Variants in EFCAB10 observed in about 807,000 individuals in gnomAD.
EFCAB10 encodes the protein EF-hand calcium-binding domain-containing protein 10.
In EFCAB10, 7 loss-of-function variants were observed where a neutral mutation model predicts 7.7. The observed-to-expected ratio is 0.91, with a 90% CI of 0.52 to 1.72. EFCAB10 has a LOEUF of 1.72. Ranked by LOEUF, EFCAB10 falls within the 40% of genes most tolerant of loss-of-function variation. The pLI, the probability that EFCAB10 is intolerant of heterozygous loss-of-function variation, is 0.00. For missense variants in EFCAB10, 112 were observed against 61.5 expected (o/e 1.82, Z -2.74); for synonymous variants, 52 against 21.0 (o/e 2.47, Z -4.03).
intron 1 of EFCAB10, among the ~76,000 whole-genome samples, chr7:105,580,892 T>G (rs1792214091): frequency 6.6e-6 from 1 of 152,134 alleles, no homozygotes; most frequent in Admixed American, 6.6e-5. Flanking sequence ...CTAGAACATC[T>G]TCTATCCTAC....
At chr7:105,569,621 G>T (rs948350912) in intron 1 of EFCAB10, 50 bp from the exon 2 acceptor site, 1 of 672,918 alleles carries the variant, frequency 1.5e-6, no homozygotes. Flanking sequence ...AAAATATGTC[G>T]CAAATAGAAG....
At chr7:105,579,631 G>A (rs75527567) in intron 1 of EFCAB10, among the ~76,000 whole-genome samples, 8,872 of 152,290 alleles carry the variant, frequency 0.058, 355 homozygotes, top group Non-Finnish European at 0.087. Flanking sequence ...ATGGGTGTGA[G>A]TGGGAACAGG....
rs1792231698 is a variant in EFCAB10 at position 105,581,381 on chromosome 7, CTGG to C, written c.80_82del (p.Thr27del). 2 of 702,990 alleles carry C rather than the reference CTGG, an allele frequency of 2.8e-6. No homozygotes were observed. The highest frequency in any genetic ancestry group is 5.2e-6 in the Non-Finnish European group (2 of 384,992). 43.5% of individuals were successfully genotyped at this position (702,990 alleles called of 1,614,324 possible). A position where few individuals can be genotyped will look rare whatever the true frequency, so the allele number is the denominator to read the frequency against. On this transcript the variant is annotated inframe_deletion, in exon 1 of 5. Coordinates refer to ENST00000480514, the MANE Select transcript of EFCAB10 (RefSeq NM_001355526.2). Reference sequence around the variant, plus strand: ...ACCCGGCCGAAAGAAAAGGAGGGCGCTGGTGAGGTAGCTAACCACCTCCTTGAT... The same window carrying C: ...ACCCGGCCGAAAGAAAAGGAGGGCGCTGAGGTAGCTAACCACCTCCTTGAT...
rs1791884448 is a variant in EFCAB10 at position 105,569,589 on chromosome 7, C to T, written c.107-18G>A. ...TGGTTTTTCTGCAAAAGAATAGTTC[C>T]AGCTCTTTCTGATACGAAATTAAAA... On this transcript the variant is annotated intron_variant, in intron 1 of 4. Transcript: ENST00000480514. 1 of 683,046 alleles carries T rather than the reference C, an allele frequency of 1.5e-6. No homozygotes were observed. The highest frequency in any genetic ancestry group is 2.6e-6 in the Non-Finnish European group (1 of 379,284). 42.3% of individuals were successfully genotyped at this position (683,046 alleles called of 1,614,324 possible). A position where few individuals can be genotyped will look rare whatever the true frequency, so the allele number is the denominator to read the frequency against.
rs997658204 is a variant in EFCAB10, at chr7:105,565,547, C to A, written c.*-100G>T. The A allele has an allele frequency of 2.9e-5, 46 of 1,613,478 alleles. No individual in the cohort carries two copies. The highest frequency in any genetic ancestry group is 3.7e-5 in the Non-Finnish European group (44 of 1,179,678). ...TGTTTCAGATAATTCTTGCTAATCACTTCAATGAAGGAGGAGCAGCCCAGC... is the reference window on the plus strand; with the variant it reads ...TGTTTCAGATAATTCTTGCTAATCAATTCAATGAAGGAGGAGCAGCCCAGC... On this transcript the variant is annotated intron_variant, in intron 4 of 4. Coordinates refer to ENST00000480514, the MANE Select transcript of EFCAB10 (RefSeq NM_001355526.2).
At chr7:105,578,114 G>T (rs185301915) in intron 1 of EFCAB10, among the ~76,000 whole-genome samples, 1 of 152,136 alleles carries the variant, frequency 6.6e-6, no homozygotes, top group Non-Finnish European at 1.5e-5. Flanking sequence ...CCCGTATTCA[G>T]GATAATCAAA....
At chr7:105,570,240 A>AAATATATATAT (rs35907051) in intron 1 of EFCAB10, among the ~76,000 whole-genome samples, 2 of 24,910 alleles carry the variant, frequency 8.0e-5, no homozygotes, top group Non-Finnish European at 1.6e-4. Flanking sequence ...AAAAAAAAAA[A>AAATATATATAT]ATATATATAT....
At chr7:105,569,153 C>CA (rs1391464080) in intron 3 of EFCAB10, 50 bp downstream of exon 3, 1 of 696,738 alleles carries the variant, frequency 1.4e-6, no homozygotes, top group Admixed American at 2.0e-5. Flanking sequence ...AATTGTGCTT[C>CA]AAAATCATGC....
At chr7:105,578,170 G>A (rs1792134441) in intron 1 of EFCAB10, among the ~76,000 whole-genome samples, 2 of 152,142 alleles carry the variant, frequency 1.3e-5, no homozygotes, top group African/African-American at 4.8e-5. Flanking sequence ...TGTTGTCCTG[G>A]CATAATTATT....
intron 1 of EFCAB10, among the ~76,000 whole-genome samples, chr7:105,570,211 CAAAAAA>C (rs1178986135): frequency 1.7e-3 from 29 of 17,346 alleles, no homozygotes; most frequent in East Asian, 0.013. Flanking sequence ...AAGACTCTCT[CAAAAAA>C]AAAAAAAAAA....
chr7:105,575,070 G>A (rs1357071130), intron 1 of EFCAB10, among the ~76,000 whole-genome samples: 9 of 150,494 alleles, frequency 6.0e-5, no homozygotes, highest in African/African-American at 9.8e-5. Context: ...AGCCAAGATC[G>A]TGCCATTGCA....
At chr7:105,576,439 C>CATTATT (rs1312194854) in intron 1 of EFCAB10, among the ~76,000 whole-genome samples, 1 of 148,850 alleles carries the variant, frequency 6.7e-6, no homozygotes, top group Admixed American at 6.6e-5. Flanking sequence ...AAGGAATTCT[C>CATTATT]ATCATCATTA....
At chr7:105,577,547 A>G (rs547294858) in intron 1 of EFCAB10, among the ~76,000 whole-genome samples, 6 of 150,408 alleles carry the variant, frequency 4.0e-5, no homozygotes, top group African/African-American at 1.5e-4. Context: ...CTGTGTTGCA[A>G]CCGAGATGGC....
At chr7:105,567,050 C>G in intron 4 of EFCAB10, 1 of 997,780 alleles carries the variant, frequency 1.0e-6, no homozygotes, top group Non-Finnish European at 1.4e-6. Context: ...GTTTAGGATT[C>G]TCAAAATTGT....
chr7:105,567,410 G>C (rs1208542362), intron 4 of EFCAB10, 57 bp downstream of exon 4: 2 of 843,518 alleles, frequency 2.4e-6, no homozygotes, highest in East Asian at 5.2e-5. Flanking sequence ...AATGAAACTG[G>C]AAAACTTTAT....
chr7:105,566,028 G>A (rs959134325), intron 4 of EFCAB10, among the ~76,000 whole-genome samples: 1 of 152,102 alleles, frequency 6.6e-6, no homozygotes, highest in African/African-American at 2.4e-5. Flanking sequence ...CCAACACTTC[G>A]GGAGGCTGAG....
intron 1 of EFCAB10, among the ~76,000 whole-genome samples, chr7:105,578,473 C>T (rs916475714): frequency 6.6e-6 from 1 of 152,138 alleles, no homozygotes; most frequent in African/African-American, 2.4e-5. Context: ...AAGAAAAATA[C>T]TTCCTAGACC....
rs1792232097 is a variant in EFCAB10, at chr7:105,581,389, G to A, written c.75C>T (p.Tyr25=). 1 of 702,928 alleles carries A rather than the reference G, an allele frequency of 1.4e-6. No homozygotes were observed. Among genetic ancestry groups the A allele is most frequent in the Non-Finnish European group, 2.6e-6 (1 of 385,016 alleles). The allele number at this position is 702,928 out of a possible 1,614,324, so 43.5% of individuals were successfully genotyped here. A position where few individuals can be genotyped will look rare whatever the true frequency, so the allele number is the denominator to read the frequency against. The change falls in exon 1 of 5, where the codon TAC becomes TAT. Residue 25 remains tyrosine, a synonymous_variant. Transcript: ENST00000480514. ...GAAAGAAAAGGAGGGCGCTGGTGAG[G>A]TAGCTAACCACCTCCTTGATCTGAT... ...EKHQIKEVVS[Y]LTSALLFFRP... is the part of the protein sequence containing the mutation.
intron 1 of EFCAB10, among the ~76,000 whole-genome samples, chr7:105,578,654 T>A (rs1792145455): frequency 6.6e-6 from 1 of 152,178 alleles, no homozygotes; most frequent in Non-Finnish European, 1.5e-5. Flanking sequence ...CATAGCCAGA[T>A]CAAGTATCTG....
Sources: gnomAD v4.1 joint callset for allele counts (sites outside exome capture counted in the v4.1 genomes callset) on GRCh38, gnomAD v4.1.1 for gene constraint, MANE v1.5 for transcripts, NCBI Gene and HGNC (gene_info 2026-07-23, HGNC 2026-07-21) for gene names.